Variants in RELN observed in about 807,000 individuals in gnomAD.
RELN encodes reelin.
Under a neutral mutation model 427.6 loss-of-function variants are expected in RELN, and 108 were observed. That is an observed-to-expected ratio of 0.25 (90% CI 0.22 to 0.30). RELN has a LOEUF of 0.30. Ranked by LOEUF, RELN falls within the 10% of genes least tolerant of loss-of-function variation. RELN has a pLI of 1.00. For missense variants in RELN, 3,715 were observed against 4,302.8 expected, an observed-to-expected ratio of 0.86 and a Z score of 3.82; for synonymous variants, 1,524 against 1,513.4, an observed-to-expected ratio of 1.01 and a Z score of -0.16.
At chr7:103,559,299 C>T (rs1428958560) in intron 36 of RELN, among the ~76,000 whole-genome samples, 2 of 152,110 alleles carry the variant, frequency 1.3e-5, no homozygotes, top group Non-Finnish European at 2.9e-5. Context: ...GAAAAATATC[C>T]AGATAATGCC....
intron 11 of RELN, among the ~76,000 whole-genome samples, chr7:103,673,532 T>C (rs1170786466): frequency 6.6e-6 from 1 of 152,144 alleles, no homozygotes; most frequent in African/African-American, 2.4e-5. Flanking sequence ...AAAGTTTTAC[T>C]TTTTTACTTG....
intron 11 of RELN, among the ~76,000 whole-genome samples, chr7:103,673,623 G>C (rs1436377593): frequency 6.6e-6 from 1 of 152,114 alleles, no homozygotes; most frequent in African/African-American, 2.4e-5. Context: ...CTTTCAGAGA[G>C]GGTGGTAAAC....
chr7:103,511,232 T>C (rs942679593), intron 50 of RELN, among the ~76,000 whole-genome samples: 2 of 152,150 alleles, frequency 1.3e-5, no homozygotes. Context: ...ACCATAGATA[T>C]TAGTCTACAC....
At chr7:103,838,208 C>CAAGAAAAAAAAAAAAAA (rs1491227842) in intron 2 of RELN, among the ~76,000 whole-genome samples, 9 of 81,082 alleles carry the variant, frequency 1.1e-4, no homozygotes, top group African/African-American at 4.5e-4. Context: ...GACTTCGTCT[C>CAAGAAAAAAAAAAAAAA]AAAAAAAAAA....
rs74636594 is a variant in RELN, at chr7:103,851,757, A to C, written c.338-18085T>G. Reference sequence around the variant, plus strand: ...AGGCAACATACATACCTCTTGGGGAAGGCATTAATTGCTCACCAAATAGCT... The same window carrying C: ...AGGCAACATACATACCTCTTGGGGACGGCATTAATTGCTCACCAAATAGCT... On this transcript the variant is annotated intron_variant, in intron 2 of 64. Transcript: ENST00000428762. Among the ~76,000 whole-genome samples the C allele has an allele frequency of 3.7e-3, 564 of 152,336 alleles. 18 individuals are homozygous for C. In the East Asian group the frequency reaches 0.061, roughly 17 times the overall value.
chr7:103,885,750 C>T (rs1794713412), intron 2 of RELN, among the ~76,000 whole-genome samples: 1 of 152,066 alleles, frequency 6.6e-6, no homozygotes, highest in Admixed American at 6.6e-5. Context: ...AAAAAGAAAT[C>T]CTCCTGCTCC....
chr7:103,972,819 T>A (rs1413288479), intron 1 of RELN, among the ~76,000 whole-genome samples: 1 of 152,166 alleles, frequency 6.6e-6, no homozygotes, highest in Non-Finnish European at 1.5e-5. Context: ...TGTGTTCCTT[T>A]TCTGGCTTAT....
At position 103,540,357 on chromosome 7, in the gene RELN, G is replaced by A. The variant is rs773832988; in HGVS notation, c.6770C>T (p.Ser2257Leu). 1.6e-5 allele frequency: 26 copies of A among 1,613,976 alleles called. No individual in the cohort carries two copies. In the Middle Eastern group the frequency reaches 4.9e-4, roughly 31 times the overall value. Residue 2257 changes from serine (S) to leucine (L), a missense_variant, in exon 44 of 65, where the codon TCG becomes TTG. Ser to Leu is a moderately radical substitution (Grantham distance 145). Around this residue, in one of 4 missense-constraint regions of RELN, gnomAD observed 1,310 missense variants for 1,643.0 expected, o/e 0.80. Coordinates refer to ENST00000428762, the MANE Select transcript of RELN (RefSeq NM_005045.4). The stretch of plus-strand genomic sequence containing the variant: ...AAGGAACTCCTGAAGAAGACTCCAC[G>A]AGAGGCCACCGTTGAGAGAATACTG... Reference protein sequence around the residue: ...LLQYSLNGGLSWSLLQEFLFS... With the variant: ...LLQYSLNGGLLWSLLQEFLFS...
At position 103,572,257 on chromosome 7, in the gene RELN, A is replaced by C; in HGVS notation, c.4515T>G (p.Leu1505=). The change falls in exon 31 of 65, where the codon CTT becomes CTG. Residue 1505 remains leucine (L), a synonymous_variant. Transcript: ENST00000428762. The part of the protein sequence containing the change: ...TVPLDTRNIR[L]VQFYIQIGSK... ...TTCCAATTTGTATATAAAATTGAAC[A>C]AGTCTGGGGAATAAAAACTTTAGTT... The C allele has an allele frequency of 6.5e-7, 1 of 1,547,102 alleles. No individual in the cohort carries two copies. Among genetic ancestry groups the C allele is most frequent in the Non-Finnish European group, 8.9e-7 (1 of 1,118,996 alleles).
At chr7:103,575,515 A>G (rs1201740043) in intron 29 of RELN, 33 bp downstream of exon 29, 1 of 1,607,314 alleles carries the variant, frequency 6.2e-7, no homozygotes, top group African/African-American at 1.3e-5. Context: ...CTATTTTACA[A>G]TAAAACCCTC....
intron 52 of RELN, 103 bp downstream of exon 52, chr7:103,502,913 A>T: frequency 1.0e-6 from 1 of 962,614 alleles, no homozygotes; most frequent in Non-Finnish European, 1.6e-6. Context: ...GAAAGAAAGC[A>T]CTTTACCCAC....
intron 20 of RELN, among the ~76,000 whole-genome samples, chr7:103,625,679 C>A (rs888957221): frequency 6.7e-6 from 1 of 149,600 alleles, no homozygotes; most frequent in East Asian, 1.9e-4. Flanking sequence ...ATGTATCCCC[C>A]CTTTTTTTAG....
At chr7:103,785,149 T>A (rs997524862) in intron 3 of RELN, among the ~76,000 whole-genome samples, 1 of 152,152 alleles carries the variant, frequency 6.6e-6, no homozygotes, top group Non-Finnish European at 1.5e-5. Context: ...TTCCAGAGTA[T>A]CCTTAAACTA....
intron 2 of RELN, among the ~76,000 whole-genome samples, chr7:103,844,811 T>C (rs1793635380): frequency 6.6e-6 from 1 of 152,226 alleles, no homozygotes; most frequent in African/African-American, 2.4e-5. Flanking sequence ...TAATGTTCAT[T>C]AAATGTTGAA....
chr7:103,550,146 T>G (rs956085881), intron 41 of RELN, among the ~76,000 whole-genome samples: 1 of 152,228 alleles, frequency 6.6e-6, no homozygotes, highest in Non-Finnish European at 1.5e-5. Flanking sequence ...AATCAATTTA[T>G]AAAAGTTATG....
chr7:103,604,042 C>CT (rs1473542537), intron 23 of RELN, among the ~76,000 whole-genome samples: 1 of 152,068 alleles, frequency 6.6e-6, no homozygotes, highest in African/African-American at 2.4e-5. Context: ...GACTAGTGCT[C>CT]TAAGATTCTC....
At chr7:103,735,464 C>A (rs1171338492) in intron 6 of RELN, among the ~76,000 whole-genome samples, 2 of 152,038 alleles carry the variant, frequency 1.3e-5, no homozygotes, top group Admixed American at 1.3e-4. Context: ...CTGGGGTCCC[C>A]ACATAGCAGT....
At chr7:103,518,942 C>T (rs1293885520) in intron 49 of RELN, among the ~76,000 whole-genome samples, 1 of 151,940 alleles carries the variant, frequency 6.6e-6, no homozygotes, top group East Asian at 1.9e-4. Context: ...TATTGTGTTT[C>T]TTTGCTTTCC....
Position 103,635,482 on chromosome 7 carries a change from T to C in RELN, c.2408A>G (p.Asn803Ser), listed in dbSNP as rs1310555467. 2 of 1,613,898 alleles carry C rather than the reference T, an allele frequency of 1.2e-6. No homozygotes were observed. Among genetic ancestry groups the C allele is most frequent in the African/African-American group, 1.3e-5 (1 of 74,918 alleles). Residue 803 changes from asparagine (N) to serine (S), a missense_variant, in exon 19 of 65, where the codon AAT becomes AGT. By Grantham distance (46) the Asn-to-Ser change is conservative. Transcript: ENST00000428762. ...EGVLLHYSYD[N>S]GITWKLLEHY... ...CTCCAGGAGTTTCCAAGTTATCCCA[T>C]TATCATAAGAATAATGCAACAAAAC...
Sources: allele counts gnomAD v4.1 joint callset (sites outside exome capture counted in the v4.1 genomes callset), GRCh38; gene constraint gnomAD v4.1.1; regional missense constraint gnomAD v4.1.1; transcripts MANE v1.5; gene names NCBI Gene and HGNC (gene_info 2026-07-23, HGNC 2026-07-21).